NIPSNAP2: variants seen among roughly 807,000 people sequenced by gnomAD.
The protein encoded by NIPSNAP2 is nipsnap homolog 2.
Under a neutral mutation model 48.4 loss-of-function variants are expected in NIPSNAP2, and 42 were observed. The observed-to-expected ratio is 0.87, with a 90% CI of 0.68 to 1.12. The LOEUF (loss-of-function observed/expected upper bound fraction) is 1.12. Among genes scored for constraint, NIPSNAP2 ranks in the 50% most tolerant of loss-of-function variants. The pLI is 0.00. For synonymous variants in NIPSNAP2, 158 were observed against 126.6 expected (o/e 1.25, Z -1.67); for missense variants, 314 against 347.3 (o/e 0.90, Z 0.76).
intron 7 of NIPSNAP2, among the ~76,000 whole-genome samples, chr7:55,987,325 T>A (rs762776058): frequency 6.6e-6 from 1 of 151,918 alleles, no homozygotes; most frequent in Non-Finnish European, 1.5e-5. Context: ...CATCAATAGA[T>A]AAATGGATAA....
intron 1 of NIPSNAP2, 67 bp from the exon 2 acceptor site, chr7:55,978,059 T>G: frequency 1.9e-6 from 3 of 1,569,542 alleles, no homozygotes; most frequent in South Asian, 1.2e-5. Flanking sequence ...CTCACTGTGT[T>G]TGCCAGATTA....
intron 1 of NIPSNAP2, among the ~76,000 whole-genome samples, chr7:55,977,100 T>A (rs1428271681): frequency 7.4e-5 from 1 of 13,438 alleles, no homozygotes; most frequent in Non-Finnish European, 2.5e-4. Flanking sequence ...AAATCTTGAT[T>A]TTTTTTTTGG....
intron 1 of NIPSNAP2, 136 bp from the exon 2 acceptor site, chr7:55,977,990 T>C: frequency 1.1e-6 from 1 of 907,168 alleles, no homozygotes; most frequent in Admixed American, 2.4e-5. Context: ...CATGCTGTTG[T>C]CATGGAAAGC....
At chr7:55,971,380 C>G (rs1787013410) in intron 1 of NIPSNAP2, among the ~76,000 whole-genome samples, 1 of 152,190 alleles carries the variant, frequency 6.6e-6, no homozygotes, top group Admixed American at 6.5e-5. Flanking sequence ...TAGTCTCACC[C>G]CCTGCTCTGC....
rs759509554 is a variant in NIPSNAP2, at chr7:55,978,145, A to C, written c.112A>C (p.Asn38His). 1 of 1,614,050 alleles carries C rather than the reference A, an allele frequency of 6.2e-7. No individual in the cohort carries two copies. Among genetic ancestry groups the C allele is most frequent in the African/African-American group, 1.3e-5 (1 of 74,938 alleles). ...CCATAGGACATGGACATCTTCCAGC[A>C]ACAGATCTCGAGAAGACAGCTGGCT... is the stretch of plus-strand genomic sequence containing the variant. The part of the protein sequence containing the change: ...PRLRTWTSSS[N>H]RSREDSWLKS... The change falls in exon 2 of 10, where the codon AAC becomes CAC. Residue 38 changes from asparagine (N) to histidine (H), a missense_variant. By Grantham distance (68) the Asn-to-His change is moderately conservative. Transcript: ENST00000322090.
intron 7 of NIPSNAP2, 86 bp from the exon 8 acceptor site, chr7:55,994,808 C>A: frequency 2.8e-6 from 3 of 1,090,152 alleles, no homozygotes; most frequent in Non-Finnish European, 4.3e-6. Flanking sequence ...AACAGCCTGC[C>A]CTGAGTATGG....
rs1164855630 is a variant in NIPSNAP2, at chr7:55,998,493, G to GTTTTTTTTTTTT, written c.797-500_797-489dup. Among the ~76,000 whole-genome samples the GTTTTTTTTTTTT allele has an allele frequency of 1.6e-3, 102 of 63,194 alleles. 14 individuals are homozygous for GTTTTTTTTTTTT. Among genetic ancestry groups the GTTTTTTTTTTTT allele is most frequent in the African/African-American group, 5.4e-3 (95 of 17,546 alleles). 41.5% of individuals were successfully genotyped at this position (63,194 alleles called of 152,430 possible). On this transcript the variant is annotated intron_variant, in intron 9 of 9. Transcript: ENST00000322090. ...TAAAACAAATATCCAGGTAGGATCT[G>GTTTTTTTTTTTT]TTTTTTTTTTTTTTTTTTTTTTTTT...
intron 1 of NIPSNAP2, among the ~76,000 whole-genome samples, chr7:55,975,133 G>A (rs888906973): frequency 3.8e-4 from 58 of 152,032 alleles, no homozygotes; most frequent in Non-Finnish European, 5.4e-4. Context: ...CAGGAGGATC[G>A]CTTGAGGCCA....
intron 8 of NIPSNAP2, among the ~76,000 whole-genome samples, chr7:55,995,568 G>A (rs1000652911): frequency 1.2e-4 from 19 of 152,148 alleles, no homozygotes; most frequent in African/African-American, 4.1e-4. Flanking sequence ...GGTTATTACC[G>A]TTGCGGCTGT....
chr7:55,989,532 G>A (rs947749531), intron 7 of NIPSNAP2, among the ~76,000 whole-genome samples: 25 of 151,890 alleles, frequency 1.6e-4, no homozygotes, highest in Non-Finnish European at 2.8e-4. Flanking sequence ...AGGCTGAGCA[G>A]GAAGATCACT....
At chr7:55,992,237 T>C (rs1398493307) in intron 7 of NIPSNAP2, among the ~76,000 whole-genome samples, 1 of 151,922 alleles carries the variant, frequency 6.6e-6, no homozygotes, top group Non-Finnish European at 1.5e-5. Context: ...GTAGAGTGAT[T>C]TTAAGGAGAC....
chr7:55,976,267 C>T (rs1174273639), intron 1 of NIPSNAP2, among the ~76,000 whole-genome samples: 1 of 152,202 alleles, frequency 6.6e-6, no homozygotes, highest in Admixed American at 6.5e-5. Context: ...GCACATAAAT[C>T]TACCTCATTC....
intron 7 of NIPSNAP2, among the ~76,000 whole-genome samples, chr7:55,986,530 T>G (rs1005686596): frequency 6.6e-6 from 1 of 151,670 alleles, no homozygotes; most frequent in Non-Finnish European, 1.5e-5. Flanking sequence ...CGTATGGCGG[T>G]GTGCACCTGT....
At chr7:55,988,431 A>C (rs915890490) in intron 7 of NIPSNAP2, among the ~76,000 whole-genome samples, 1 of 152,160 alleles carries the variant, frequency 6.6e-6, no homozygotes, top group South Asian at 2.1e-4. Flanking sequence ...GTTCCTGCAC[A>C]CTGGGACAGC....
Position 55,986,095 on chromosome 7 carries a change from T to C in NIPSNAP2, c.617+1217T>C, listed in dbSNP as rs190934887. ...AATAAAGACTGGGCATGATGGCTCA[T>C]GCCTGTAATTCCAGCACTTTGGGGA... is the stretch of plus-strand genomic sequence containing the variant. On this transcript the variant is annotated intron_variant, in intron 7 of 9. Coordinates refer to ENST00000322090, the MANE Select transcript of NIPSNAP2 (RefSeq NM_001483.3). Among the ~76,000 whole-genome samples the C allele has an allele frequency of 9.7e-4, 147 of 152,104 alleles. 1 individual carries two copies. In the Middle Eastern group the frequency reaches 0.01, roughly 11 times the overall value.
chr7:55,969,307 T>G (rs887756244), intron 1 of NIPSNAP2, among the ~76,000 whole-genome samples: 3 of 152,046 alleles, frequency 2.0e-5, no homozygotes, highest in African/African-American at 7.2e-5. Flanking sequence ...GGCAGGAGTC[T>G]TCTTGGCATG....
chr7:55,979,496 C>G (rs765733875), intron 3 of NIPSNAP2: 13 of 282,116 alleles, frequency 4.6e-5, no homozygotes, highest in Non-Finnish European at 7.8e-5. Flanking sequence ...TTCCTTAGTT[C>G]TCTGTGGTGA....
At position 55,982,231 on chromosome 7, in the gene NIPSNAP2, G is replaced by A; in HGVS notation, c.395G>A (p.Gly132Glu). Residue 132 changes from glycine to glutamate, a missense_variant, in exon 5 of 10, where the codon GGA becomes GAA. Around this residue, in one of 2 missense-constraint regions of NIPSNAP2, gnomAD observed 198 missense variants for 185.5 expected, o/e 1.07. Transcript: ENST00000322090. Reference sequence around the variant, plus strand: ...TCAGTCCACCTCTGGAGGTATGAAGGAGGCTATCCAGCCCTCACAGAAGTC... The same window carrying A: ...TCAGTCCACCTCTGGAGGTATGAAGAAGGCTATCCAGCCCTCACAGAAGTC... The part of the protein sequence containing the change: ...DQAVHLWRYE[G>E]GYPALTEVMN... The A allele has an allele frequency of 6.2e-7, 1 of 1,609,608 alleles. No homozygotes were observed. Among genetic ancestry groups the A allele is most frequent in the Non-Finnish European group, 8.5e-7 (1 of 1,176,214 alleles).
chr7:55,991,880 C>A, intron 7 of NIPSNAP2: 1 of 234,616 alleles, frequency 4.3e-6, no homozygotes, highest in Non-Finnish European at 8.6e-6. Flanking sequence ...TGTTACCAGG[C>A]TAAGGCAAGT....
Sources: gnomAD v4.1 joint callset for allele counts (sites outside exome capture counted in the v4.1 genomes callset) on GRCh38, gnomAD v4.1.1 for gene constraint, gnomAD v4.1.1 regional missense constraint, MANE v1.5 for transcripts, NCBI Gene and HGNC (gene_info 2026-07-23, HGNC 2026-07-21) for gene names.